Variants in TACC2 observed in about 807,000 individuals in gnomAD.
TACC2 encodes transforming acidic coiled-coil-containing protein 2.
In TACC2, 137 loss-of-function variants were observed where a neutral mutation model predicts 227.3. That is an observed-to-expected ratio of 0.60 (90% CI 0.52 to 0.69). TACC2 has a LOEUF of 0.69. Among genes scored for constraint, TACC2 ranks in the 30% least tolerant of loss-of-function variants. The pLI, the probability that TACC2 is intolerant of heterozygous loss-of-function variation, is 0.00. For synonymous variants in TACC2, 1,523 were observed against 1,487.5 expected (o/e 1.02, Z -0.55); for missense variants, 3,470 against 3,694.4 (o/e 0.94, Z 1.57).
intron 22 of TACC2, among the ~76,000 whole-genome samples, chr10:122,251,621 G>A (rs1236822000): frequency 6.6e-6 from 1 of 152,216 alleles, no homozygotes; most frequent in African/African-American, 2.4e-5. Context: ...GACTGCTGGA[G>A]CCCAGAAGTT....
At chr10:122,245,119 C>T (rs2096081049) in intron 19 of TACC2, 1 of 152,198 alleles carries the variant, frequency 6.6e-6, no homozygotes, top group Non-Finnish European at 1.5e-5. Context: ...CCCATTGCAA[C>T]CCTTTGTTTG....
At position 122,194,751 on chromosome 10, in the gene TACC2, G is replaced by A. The variant is rs1008075399; in HGVS notation, c.5835-289G>A. Among the ~76,000 whole-genome samples the A allele has an allele frequency of 1.3e-5, 2 of 152,164 alleles. No individual in the cohort carries two copies. The highest frequency in any genetic ancestry group is 4.8e-5 in the African/African-American group (2 of 41,428). On this transcript the variant is annotated intron_variant, in intron 7 of 22. Transcript: ENST00000369005. This position sits in a 1 kb window ranked among gnomAD's most constrained non-coding sequence, Gnocchi z 4.4. ...TCAATACCTAATAATGAACGCGTGC[G>A]GAAGTTCATCCAGAGTCCGCTGTGT... is the stretch of plus-strand genomic sequence containing the variant.
intron 1 of TACC2, among the ~76,000 whole-genome samples, chr10:122,015,587 C>T (rs1016719186): frequency 3.9e-5 from 6 of 152,120 alleles, no homozygotes; most frequent in Non-Finnish European, 8.8e-5. Context: ...CACAGTGTTT[C>T]ATGCCTGTAA....
chr10:122,221,346 C>T (rs2141242185), intron 11 of TACC2, among the ~76,000 whole-genome samples: 1 of 152,336 alleles, frequency 6.6e-6, no homozygotes, highest in African/African-American at 2.4e-5. Context: ...AACTATTGGT[C>T]TACACAGCTG....
At chr10:122,126,302 G>T (rs1285607128) in intron 5 of TACC2, among the ~76,000 whole-genome samples, 2 of 135,466 alleles carry the variant, frequency 1.5e-5, no homozygotes, top group Non-Finnish European at 3.2e-5. Flanking sequence ...TATTCCATGG[G>T]TTATAATCCA....
chr10:122,144,596 C>T (rs910127615), intron 7 of TACC2, among the ~76,000 whole-genome samples: 4 of 152,118 alleles, frequency 2.6e-5, no homozygotes, highest in African/African-American at 9.7e-5. Flanking sequence ...ATAAGGGGTG[C>T]CCAAAGCGTA....
intron 5 of TACC2, among the ~76,000 whole-genome samples, chr10:122,089,426 T>A (rs1056517794): frequency 1.3e-5 from 2 of 152,204 alleles, no homozygotes; most frequent in Non-Finnish European, 2.9e-5. Context: ...ATCTCGAGAT[T>A]CAAGGAGGGT....
intron 5 of TACC2, among the ~76,000 whole-genome samples, chr10:122,117,906 A>G (rs1236550076): frequency 1.3e-5 from 2 of 152,108 alleles, no homozygotes; most frequent in Non-Finnish European, 2.9e-5. Context: ...TTTTATACCC[A>G]GGACACCCCT....
chr10:122,229,113 C>T (rs542783315), intron 14 of TACC2, among the ~76,000 whole-genome samples: 2 of 152,100 alleles, frequency 1.3e-5, no homozygotes, highest in Admixed American at 6.5e-5. Flanking sequence ...TGGGAGGACA[C>T]TGAAGGCTAT....
At chr10:122,159,681 C>G (rs1017669207) in intron 7 of TACC2, among the ~76,000 whole-genome samples, 2 of 152,188 alleles carry the variant, frequency 1.3e-5, no homozygotes, top group African/African-American at 2.4e-5. Context: ...CCTCCCTCTG[C>G]TCGCCACCAT....
chr10:122,162,089 T>C (rs1013816376), intron 7 of TACC2, among the ~76,000 whole-genome samples: 3 of 152,214 alleles, frequency 2.0e-5, no homozygotes, highest in Admixed American at 6.5e-5. Context: ...CCCCGCAAGA[T>C]TGACATAATC....
intron 7 of TACC2, among the ~76,000 whole-genome samples, chr10:122,145,777 C>T (rs2091295114): frequency 6.6e-6 from 1 of 152,162 alleles, no homozygotes; most frequent in South Asian, 2.1e-4. Flanking sequence ...CTGGCACCAG[C>T]AGACACAAGT....
At chr10:122,143,466 C>A (rs2090934856) in intron 6 of TACC2, 106 bp from the exon 7 acceptor site, 2 of 1,145,116 alleles carry the variant, frequency 1.7e-6, no homozygotes, top group Admixed American at 2.8e-5. Flanking sequence ...TTAAAGAGTC[C>A]ATTCCATGTG....
At chr10:122,166,321 A>G (rs930697232) in intron 7 of TACC2, among the ~76,000 whole-genome samples, 27 of 152,154 alleles carry the variant, frequency 1.8e-4, no homozygotes, top group African/African-American at 6.5e-4. Context: ...TAGTTTTAAG[A>G]TTTCTTTCCT....
In TACC2 at chr10:122,085,311, G is replaced by A. The variant is rs751566772; in HGVS notation, c.2811G>A (p.Thr937=). 24 of 1,614,044 alleles carry A rather than the reference G, an allele frequency of 1.5e-5. No individual in the cohort carries two copies. Among genetic ancestry groups the A allele is most frequent in the Admixed American group, 3.3e-5 (2 of 60,030 alleles). The change falls in exon 4 of 23, where the codon ACG becomes ACA. Residue 937 remains threonine, a synonymous_variant. Transcript: ENST00000369005. ...LTEESELSAP[T]RQKLPALGEK... is the part of the protein sequence containing the mutation. ...AAGAGTCAGAATTGTCAGCACCAAC[G>A]AGACAGAAGTTGCCTGCACTAGGGG...
chr10:122,236,988 A>C (rs4752673), intron 16 of TACC2, among the ~76,000 whole-genome samples: 117,604 of 152,208 alleles, frequency 0.77, 45,857 homozygotes, highest in East Asian at 1. Context: ...CAAAACTAGG[A>C]AAACATAGAC....
intron 3 of TACC2, among the ~76,000 whole-genome samples, chr10:122,066,856 T>A (rs1342967571): frequency 2.0e-5 from 3 of 152,262 alleles, no homozygotes; most frequent in Non-Finnish European, 4.4e-5. Context: ...TTGTGTTATT[T>A]TAGTGGTTGC....
intron 3 of TACC2, among the ~76,000 whole-genome samples, chr10:122,060,158 G>T (rs1279496809): frequency 6.6e-6 from 1 of 152,226 alleles, no homozygotes; most frequent in Admixed American, 6.5e-5. Flanking sequence ...GGTGACCATT[G>T]AGGCAGTGAG....
chr10:122,073,157 A>G (rs2078339609), intron 3 of TACC2, among the ~76,000 whole-genome samples: 1 of 144,344 alleles, frequency 6.9e-6, no homozygotes, highest in South Asian at 2.2e-4. Flanking sequence ...ATATATACAC[A>G]CACACACACG....
Sources: allele counts gnomAD v4.1 joint callset (sites outside exome capture counted in the v4.1 genomes callset), GRCh38; gene constraint gnomAD v4.1.1; non-coding constraint Gnocchi (gnomAD v3.1); transcripts MANE v1.5; gene names NCBI Gene and HGNC (gene_info 2026-07-23, HGNC 2026-07-21).